ITGBL1: variants seen among roughly 807,000 people sequenced by gnomAD.
ITGBL1 encodes integrin subunit beta like 1, also known as integrin beta-like protein 1.
In ITGBL1, 51 loss-of-function variants were observed where a neutral mutation model predicts 68.5. That is an observed-to-expected ratio of 0.74 (90% CI 0.59 to 0.94). The LOEUF (loss-of-function observed/expected upper bound fraction) is 0.94, where lower values mean the gene tolerates loss of function less well. ITGBL1 is among the 40% of genes least tolerant of loss of function. The pLI, the probability that ITGBL1 is intolerant of heterozygous loss-of-function variation, is 0.00. For missense variants in ITGBL1, 649 were observed against 647.4 expected (o/e 1.00, Z -0.03); for synonymous variants, 209 against 227.3 (o/e 0.92, Z 0.72).
intron 7 of ITGBL1, among the ~76,000 whole-genome samples, chr13:101,687,009 T>C (rs1173444611): frequency 6.6e-6 from 1 of 152,146 alleles, no homozygotes; most frequent in Non-Finnish European, 1.5e-5. Flanking sequence ...TAAACAATTA[T>C]TACATATATT....
intron 7 of ITGBL1, among the ~76,000 whole-genome samples, chr13:101,670,273 T>C (rs527974382): frequency 1.3e-5 from 2 of 152,356 alleles, no homozygotes; most frequent in African/African-American, 4.8e-5. Context: ...TTCCAGTGTC[T>C]TAGAGAATTC....
chr13:101,575,194 C>A (rs553868151), intron 3 of ITGBL1, among the ~76,000 whole-genome samples: 1 of 152,084 alleles, frequency 6.6e-6, no homozygotes, highest in Non-Finnish European at 1.5e-5. Flanking sequence ...ATTCATTAAA[C>A]CATTAGAGGT....
rs189234354 is a variant in ITGBL1 at position 101,474,750 on chromosome 13, G to A, written c.316+20650G>A. Among the ~76,000 whole-genome samples, 739 of 152,260 alleles carry A rather than the reference G, an allele frequency of 4.9e-3. 6 individuals carry two copies. The highest frequency in any genetic ancestry group is 0.027 in the Middle Eastern group (8 of 294). ...AAAGAGAGACTACATTTGTTTGGAG[G>A]AAAGTAAGGGAAGAGAACATGAGTC... On this transcript the variant is annotated intron_variant, in intron 2 of 10. Transcript: ENST00000376180.
At position 101,491,026 on chromosome 13, in the gene ITGBL1, A is replaced by C. The variant is rs187877632; in HGVS notation, c.316+36926A>C. On this transcript the variant is annotated intron_variant, in intron 2 of 10. Transcript: ENST00000376180. ...TGTCTGTCTTGGTTTTTGGTGGACCACTTAAAAGTTTATAAAAATAGTTTT... is the reference window on the plus strand; with the variant it reads ...TGTCTGTCTTGGTTTTTGGTGGACCCCTTAAAAGTTTATAAAAATAGTTTT... Among the ~76,000 whole-genome samples, 241 of 152,332 alleles carry C rather than the reference A, an allele frequency of 1.6e-3. 1 individual carries two copies. Among genetic ancestry groups the C allele is most frequent in the African/African-American group, 5.0e-3 (209 of 41,582 alleles).
chr13:101,656,953 T>C (rs1442054268), intron 7 of ITGBL1, among the ~76,000 whole-genome samples: 1 of 147,642 alleles, frequency 6.8e-6, no homozygotes, highest in East Asian at 2.1e-4. Flanking sequence ...TTTTTCTTTT[T>C]TTCTTTTTTT....
At chr13:101,466,828 T>A (rs1000788251) in intron 2 of ITGBL1, among the ~76,000 whole-genome samples, 3 of 152,198 alleles carry the variant, frequency 2.0e-5, no homozygotes, top group African/African-American at 4.8e-5. Context: ...TGTCCTTTTA[T>A]GTCAACCCGA....
intron 2 of ITGBL1, among the ~76,000 whole-genome samples, chr13:101,529,021 TA>T (rs1361903441): frequency 2.0e-5 from 3 of 151,670 alleles, no homozygotes; most frequent in African/African-American, 7.3e-5. Context: ...ACTCAAAAAT[TA>T]GGCACTATAC....
chr13:101,644,726 A>G (rs1344870296), intron 7 of ITGBL1, among the ~76,000 whole-genome samples: 1 of 152,192 alleles, frequency 6.6e-6, no homozygotes, highest in African/African-American at 2.4e-5. Context: ...TTTGTCTAAG[A>G]AAAATCCAGT....
chr13:101,692,654 A>G lies in ITGBL1; in HGVS notation c.1085A>G (p.Glu362Gly), dbSNP rs144909391. 1 of 1,613,688 alleles carries G rather than the reference A, an allele frequency of 6.2e-7. No individual in the cohort carries two copies. The highest frequency in any genetic ancestry group is 2.2e-5 in the East Asian group (1 of 44,876). ...CGCCGGGTGTATGGCAAGACTTGTG[A>G]GTGTGATGATCGCCGCTGTGAAGAC... ...GDRRVYGKTC[E>G]CDDRRCEDLD... The change falls in exon 8 of 11, where the codon GAG becomes GGG. Residue 362 changes from glutamate (E) to glycine (G), a missense_variant. Transcript: ENST00000376180.
intron 2 of ITGBL1, among the ~76,000 whole-genome samples, chr13:101,517,561 A>G (rs1001963858): frequency 3.9e-5 from 6 of 152,142 alleles, no homozygotes; most frequent in South Asian, 4.1e-4. Flanking sequence ...GAAGCACTCA[A>G]AGTTTGAGAA....
chr13:101,710,785 T>A (rs754473098), intron 9 of ITGBL1: 6 of 152,200 alleles, frequency 3.9e-5, no homozygotes, highest in Non-Finnish European at 5.9e-5. Flanking sequence ...GAGCTGTGAA[T>A]AAAGCTGTCA....
At chr13:101,677,947 A>G (rs1054934211) in intron 7 of ITGBL1, among the ~76,000 whole-genome samples, 1 of 152,362 alleles carries the variant, frequency 6.6e-6, no homozygotes, top group East Asian at 1.9e-4. Context: ...AAAATTGGAT[A>G]TAAAATGTGT....
At chr13:101,645,598 C>T (rs111883701) in intron 7 of ITGBL1, among the ~76,000 whole-genome samples, 2,216 of 152,170 alleles carry the variant, frequency 0.015, 23 homozygotes, top group Non-Finnish European at 0.018. Context: ...TAAGTATAAT[C>T]AATACCTTGA....
At chr13:101,658,566 A>G (rs917040346) in intron 7 of ITGBL1, among the ~76,000 whole-genome samples, 1 of 152,142 alleles carries the variant, frequency 6.6e-6, no homozygotes, top group African/African-American at 2.4e-5. Flanking sequence ...ATGTGTATGC[A>G]TGTATATGCA....
chr13:101,650,251 T>C (rs2032701108), intron 7 of ITGBL1, among the ~76,000 whole-genome samples: 1 of 152,244 alleles, frequency 6.6e-6, no homozygotes, highest in South Asian at 2.1e-4. Context: ...AGCTGTACTT[T>C]ACTTTCTTTC....
chr13:101,537,576 C>G (rs7988270), intron 2 of ITGBL1, among the ~76,000 whole-genome samples: 54,384 of 151,658 alleles, frequency 0.36, 9,937 homozygotes, highest in South Asian at 0.4. Context: ...AGTATGGTAC[C>G]TTCACTAAAC....
At chr13:101,636,907 A>G (rs1402964106) in intron 7 of ITGBL1, among the ~76,000 whole-genome samples, 1 of 152,250 alleles carries the variant, frequency 6.6e-6, no homozygotes, top group African/African-American at 2.4e-5. Context: ...ATCACATCAA[A>G]TTTTTTGTGA....
chr13:101,671,267 T>G (rs547304424), intron 7 of ITGBL1, among the ~76,000 whole-genome samples: 1 of 152,218 alleles, frequency 6.6e-6, no homozygotes, highest in African/African-American at 2.4e-5. Flanking sequence ...GAACAAAAAT[T>G]AATTACATGA....
At chr13:101,603,309 T>G (rs1389195904) in intron 7 of ITGBL1, among the ~76,000 whole-genome samples, 1 of 152,042 alleles carries the variant, frequency 6.6e-6, no homozygotes, top group Non-Finnish European at 1.5e-5. Context: ...TCAGGTTGTT[T>G]GCAGCACAGA....
Sources: gnomAD v4.1 joint callset for allele counts (sites outside exome capture counted in the v4.1 genomes callset) on GRCh38, gnomAD v4.1.1 for gene constraint, MANE v1.5 for transcripts, NCBI Gene and HGNC (gene_info 2026-07-23, HGNC 2026-07-21) for gene names.